Variants in GPC5 observed in about 807,000 individuals in gnomAD.
The protein encoded by GPC5 is glypican 5, also known as glypican-5.
Under a neutral mutation model 53.9 loss-of-function variants are expected in GPC5, and 47 were observed. The ratio of observed to expected loss-of-function variants is 0.87; its 90% CI spans 0.69 to 1.11. GPC5 has a LOEUF of 1.11. Among genes scored for constraint, GPC5 ranks in the 50% most tolerant of loss-of-function variants. The probability of loss-of-function intolerance (pLI) is 0.00; values close to 1 mark genes in which losing one functional copy is unlikely to be tolerated. For synonymous variants in GPC5, 286 were observed against 263.3 expected, an observed-to-expected ratio of 1.09 and a Z score of -0.84; for missense variants, 748 against 713.1, an observed-to-expected ratio of 1.05 and a Z score of -0.56.
At chr13:92,839,740 G>T (rs995060491) in intron 7 of GPC5, among the ~76,000 whole-genome samples, 3 of 151,974 alleles carry the variant, frequency 2.0e-5, no homozygotes, top group Admixed American at 6.6e-5. Flanking sequence ...AAAATAGACT[G>T]CTAGCTAGAC....
At chr13:91,531,947 G>T (rs895913712) in intron 2 of GPC5, among the ~76,000 whole-genome samples, 5 of 151,928 alleles carry the variant, frequency 3.3e-5, no homozygotes, top group African/African-American at 1.2e-4. Context: ...TGTGTTACTC[G>T]CAGTGACATG....
chr13:92,828,606 C>A (rs994709973), intron 7 of GPC5, among the ~76,000 whole-genome samples: 6 of 152,088 alleles, frequency 3.9e-5, no homozygotes, highest in Non-Finnish European at 7.4e-5. Context: ...GAATGCCACC[C>A]CGGACCTCCT....
At chr13:91,440,200 C>A (rs773722698) in intron 1 of GPC5, among the ~76,000 whole-genome samples, 2 of 152,110 alleles carry the variant, frequency 1.3e-5, no homozygotes, top group East Asian at 1.9e-4. Flanking sequence ...TCTCTTCTTG[C>A]CTCTGGGACT....
rs572451065 is a variant in GPC5, at chr13:92,294,381, G to T, written c.1561+149392G>T. On this transcript the variant is annotated intron_variant, in intron 7 of 7. Transcript: ENST00000377067. ...AATTACCATTTCAATCTCTCTGCTT[G>T]TTATTGGTCTGTTCAGGGTATCTAA... Among the ~76,000 whole-genome samples the T allele has an allele frequency of 1.5e-4, 23 of 152,242 alleles. No homozygotes were observed. The South Asian group carries it at 4.4e-3, about 29-fold the overall frequency.
intron 2 of GPC5, among the ~76,000 whole-genome samples, chr13:91,691,843 T>G (rs142060175): frequency 6.6e-6 from 1 of 152,344 alleles, no homozygotes; most frequent in African/African-American, 2.4e-5. Flanking sequence ...CAAACAGTGT[T>G]TAGATTACTA....
intron 6 of GPC5, among the ~76,000 whole-genome samples, chr13:92,006,985 CTTAGT>C (rs1594719915): frequency 7.1e-6 from 1 of 141,034 alleles, no homozygotes; most frequent in East Asian, 1.9e-4. Flanking sequence ...AATCATATTG[CTTAGT>C]TAAGTATTAA....
At chr13:92,461,001 G>T (rs1021831732) in intron 7 of GPC5, among the ~76,000 whole-genome samples, 7 of 152,064 alleles carry the variant, frequency 4.6e-5, no homozygotes, top group Admixed American at 1.3e-4. Flanking sequence ...TACATGGAAA[G>T]AAACATTGGG....
intron 7 of GPC5, among the ~76,000 whole-genome samples, chr13:92,363,752 CAAAGGTTA>C (rs1184867777): frequency 6.6e-6 from 1 of 151,674 alleles, no homozygotes; most frequent in Non-Finnish European, 1.5e-5. Context: ...AATGCCAGAA[CAAAGGTTA>C]ACATCATAGA....
intron 7 of GPC5, among the ~76,000 whole-genome samples, chr13:92,851,879 C>T (rs1878817731): frequency 7.6e-6 from 1 of 131,178 alleles, no homozygotes; most frequent in South Asian, 2.7e-4. Flanking sequence ...CAGAGCAAGA[C>T]TCCGTCTCAA....
chr13:92,750,160 C>T (rs1017135674), intron 7 of GPC5, among the ~76,000 whole-genome samples: 1 of 152,050 alleles, frequency 6.6e-6, no homozygotes, highest in African/African-American at 2.4e-5. Context: ...CTATTTTTCT[C>T]ACACTGTGTG....
chr13:92,504,634 C>T (rs1311467981), intron 7 of GPC5, among the ~76,000 whole-genome samples: 1 of 151,696 alleles, frequency 6.6e-6, no homozygotes, highest in Non-Finnish European at 1.5e-5. Context: ...AGCTAAGGGC[C>T]GGACACAGAG....
At chr13:91,713,689 A>G (rs139633658) in intron 3 of GPC5, among the ~76,000 whole-genome samples, 1 of 152,262 alleles carries the variant, frequency 6.6e-6, no homozygotes, top group Non-Finnish European at 1.5e-5. Flanking sequence ...TTTAAAACCC[A>G]GAAATCCAGA....
At chr13:91,881,388 T>A (rs992347327) in intron 5 of GPC5, among the ~76,000 whole-genome samples, 13 of 152,146 alleles carry the variant, frequency 8.5e-5, no homozygotes, top group Non-Finnish European at 1.5e-4. Flanking sequence ...TAATTATTAA[T>A]ATACACCCAA....
chr13:91,988,077 T>A (rs1425400372), intron 6 of GPC5, among the ~76,000 whole-genome samples: 1 of 148,686 alleles, frequency 6.7e-6, no homozygotes, highest in Non-Finnish European at 1.5e-5. Flanking sequence ...ATAGTATTCT[T>A]CATAATACTA....
At chr13:91,972,457 C>T (rs1375339026) in intron 6 of GPC5, among the ~76,000 whole-genome samples, 2 of 152,052 alleles carry the variant, frequency 1.3e-5, no homozygotes. Context: ...GAGCATTTAG[C>T]CCATTTACAT....
chr13:92,206,585 GTTAGA>G (rs1454517395), intron 7 of GPC5, among the ~76,000 whole-genome samples: 2 of 152,144 alleles, frequency 1.3e-5, no homozygotes, highest in East Asian at 1.9e-4. Context: ...TTATTGAATA[GTTAGA>G]TTAATTTTGT....
intron 3 of GPC5, among the ~76,000 whole-genome samples, chr13:91,725,514 T>C (rs1173252614): frequency 6.6e-6 from 1 of 152,174 alleles, no homozygotes; most frequent in African/African-American, 2.4e-5. Flanking sequence ...ATCTCCCTCA[T>C]AGCAAGTCAA....
At chr13:92,599,404 G>T (rs550936798) in intron 7 of GPC5, among the ~76,000 whole-genome samples, 1 of 152,112 alleles carries the variant, frequency 6.6e-6, no homozygotes, top group Non-Finnish European at 1.5e-5. Flanking sequence ...GAGGGAAATG[G>T]TGTTCTAAAT....
chr13:92,399,338 G>A (rs1875451589), intron 7 of GPC5, among the ~76,000 whole-genome samples: 2 of 152,114 alleles, frequency 1.3e-5, no homozygotes, highest in Admixed American at 1.3e-4. Flanking sequence ...AGTGCTATTG[G>A]ACAACAATCT....
Sources: allele counts gnomAD v4.1 joint callset (sites outside exome capture counted in the v4.1 genomes callset), GRCh38; gene constraint gnomAD v4.1.1; transcripts MANE v1.5; gene names NCBI Gene and HGNC (gene_info 2026-07-23, HGNC 2026-07-21).